Variants in MLLT6 observed in about 807,000 individuals in gnomAD.
MLLT6 encodes MLLT6, PHD finger containing.
MLLT6 carries 22 observed loss-of-function variants against 103.0 expected under a neutral mutation model. That is an observed-to-expected ratio of 0.21 (90% CI 0.15 to 0.31). The LOEUF (loss-of-function observed/expected upper bound fraction) is 0.31. MLLT6 is among the 10% of genes least tolerant of loss of function. MLLT6 has a pLI of 1.00. For missense variants in MLLT6, 1,199 were observed against 1,441.7 expected (o/e 0.83, Z 2.73); for synonymous variants, 606 against 623.5 (o/e 0.97, Z 0.42).
In MLLT6 at chr17:38,709,417, G is replaced by C. The variant is rs548090595; in HGVS notation, c.459-65G>C. The stretch of plus-strand genomic sequence containing the variant: ...CTTCGCCTCAGCAGGGGGCCAGGAG[G>C]GTGAGAGGAAGGTGGCTCATGTGAT... On this transcript the variant is annotated intron_variant, in intron 5 of 19. Transcript: ENST00000621332. The surrounding 1 kb of genome is among the most constrained non-coding windows in gnomAD (Gnocchi z 4.3). 33 of 1,481,582 alleles carry C rather than the reference G, an allele frequency of 2.2e-5. No homozygotes were observed. Among genetic ancestry groups the C allele is most frequent in the Non-Finnish European group, 3.0e-5 (32 of 1,059,482 alleles). The allele number at this position is 1,481,582 out of a possible 1,614,324, so 91.8% of individuals were successfully genotyped here. A position where few individuals can be genotyped will look rare whatever the true frequency, so the allele number is the denominator to read the frequency against.
chr17:38,716,227 CACAG>C lies in MLLT6; in HGVS notation c.1037-135_1037-132del, dbSNP rs1281404211. On this transcript the variant is annotated intron_variant, in intron 9 of 19. Coordinates refer to ENST00000621332, the MANE Select transcript of MLLT6 (RefSeq NM_005937.4). This position sits in a 1 kb window ranked among gnomAD's most constrained non-coding sequence, Gnocchi z 5.6. ...GGGGTCGGGGGTACTCATCCCAGGA[CACAG>C]ACAGTGGCAGAGCTGAGACAGGAAA... 3.4e-6 allele frequency: 3 copies of C among 889,030 alleles called. No homozygotes were observed. The African/African-American group carries it at 5.1e-5, about 15-fold the overall frequency. 55.1% of individuals were successfully genotyped at this position (889,030 alleles called of 1,614,324 possible).
chr17:38,717,114 C>T (rs1384006470), intron 10 of MLLT6, 133 bp downstream of exon 10: 2 of 1,313,456 alleles, frequency 1.5e-6, no homozygotes, highest in East Asian at 2.5e-5. Context: ...AGACAGTCAC[C>T]TTCAGGACAT....
Position 38,728,031 on chromosome 17 carries a change from C to T in MLLT6, c.*2433C>T. 4.3e-6 allele frequency: 1 copy of T among 233,264 alleles called. No homozygotes were observed. 14.4% of individuals were successfully genotyped at this position (233,264 alleles called of 1,614,324 possible). On this transcript the variant is annotated 3_prime_UTR_variant, in exon 20 of 20. Coordinates refer to ENST00000621332, the MANE Select transcript of MLLT6 (RefSeq NM_005937.4). ...CACTTCTTCCCTCCCTCAGCCCAAA[C>T]CAAAGGCTGGGGTTCTCATCTCCAA...
In MLLT6 at chr17:38,709,419, T is replaced by TGA; in HGVS notation, c.459-59_459-58dup. The TGA allele has an allele frequency of 6.7e-7, 1 of 1,488,340 alleles. No individual in the cohort carries two copies. 92.2% of individuals were successfully genotyped at this position (1,488,340 alleles called of 1,614,324 possible). On this transcript the variant is annotated intron_variant, in intron 5 of 19. Transcript: ENST00000621332. This position sits in a 1 kb window ranked among gnomAD's most constrained non-coding sequence, Gnocchi z 4.3. ...TCGCCTCAGCAGGGGGCCAGGAGGG[T>TGA]GAGAGGAAGGTGGCTCATGTGATCT...
chr17:38,724,441 G>A lies in MLLT6; in HGVS notation c.2884-179G>A, dbSNP rs578039132. The A allele has an allele frequency of 4.4e-5, 24 of 550,260 alleles. No individual in the cohort carries two copies. In the East Asian group the frequency reaches 4.9e-4, roughly 11 times the overall value. 34.1% of individuals were successfully genotyped at this position (550,260 alleles called of 1,614,324 possible). ...ACCAATGGCGTGCAACCATTTTCTT[G>A]TCTAGATGGGGAGACCCAGGCTAAG... On this transcript the variant is annotated intron_variant, in intron 18 of 19. Transcript: ENST00000621332. This position sits in a 1 kb window ranked among gnomAD's most constrained non-coding sequence, Gnocchi z 5.4.
chr17:38,709,652 G>A lies in MLLT6; in HGVS notation c.552+77G>A. On this transcript the variant is annotated intron_variant, in intron 6 of 19. Transcript: ENST00000621332. This position sits in a 1 kb window ranked among gnomAD's most constrained non-coding sequence, Gnocchi z 4.3. ...GTTAGAGGGCATGGGCTCTGGGCCA[G>A]GCCAGTGCCTGGTGCTAGGAGGACA... 1 of 1,141,554 alleles carries A rather than the reference G, an allele frequency of 8.8e-7. No individual in the cohort carries two copies. The highest frequency in any genetic ancestry group is 1.3e-6 in the Non-Finnish European group (1 of 758,628). The allele number at this position is 1,141,554 out of a possible 1,614,324, so 70.7% of individuals were successfully genotyped here. A position where few individuals can be genotyped will look rare whatever the true frequency, so the allele number is the denominator to read the frequency against.
Position 38,716,232 on chromosome 17 carries a change from A to T in MLLT6, c.1037-135A>T, listed in dbSNP as rs1404935618. ...CGGGGGTACTCATCCCAGGACACAG[A>T]CAGTGGCAGAGCTGAGACAGGAAAC... On this transcript the variant is annotated intron_variant, in intron 9 of 19. Transcript: ENST00000621332. This position sits in a 1 kb window ranked among gnomAD's most constrained non-coding sequence, Gnocchi z 5.6. The T allele has an allele frequency of 2.2e-6, 2 of 913,082 alleles. No homozygotes were observed. Among genetic ancestry groups the T allele is most frequent in the Non-Finnish European group, 3.3e-6 (2 of 609,288 alleles). The allele number at this position is 913,082 out of a possible 1,614,324, so 56.6% of individuals were successfully genotyped here. A position where few individuals can be genotyped will look rare whatever the true frequency, so the allele number is the denominator to read the frequency against.
chr17:38,725,432 C>A, intron 19 of MLLT6, 125 bp from the exon 20 acceptor site: 1 of 866,748 alleles, frequency 1.2e-6, no homozygotes, highest in Non-Finnish European at 1.8e-6. Context: ...GAGCCCAGGC[C>A]AGAGGCTTCC....
Position 38,715,595 on chromosome 17 carries a change from TCTCTC to T in MLLT6, c.820-9_820-5del. ...CCAGGCACCTGGTGTTGAACCTTCCTCTCTCCTCTCCTTCAGGTCTCCTCCTCGGC... is the reference window on the plus strand; with the variant it reads ...CCAGGCACCTGGTGTTGAACCTTCCTCTCTCCTTCAGGTCTCCTCCTCGGC... On this transcript the variant is annotated splice_polypyrimidine_tract_variant and intron_variant, in intron 8 of 19. Coordinates refer to ENST00000621332, the MANE Select transcript of MLLT6 (RefSeq NM_005937.4). 2 of 1,600,900 alleles carry T rather than the reference TCTCTC, an allele frequency of 1.2e-6. No individual in the cohort carries two copies. The highest frequency in any genetic ancestry group is 2.2e-5 in the East Asian group (1 of 44,856).
chr17:38,728,585 T>G lies in MLLT6; in HGVS notation c.*2987T>G, dbSNP rs1284002221. The G allele has an allele frequency of 8.6e-6, 2 of 233,424 alleles. No homozygotes were observed. Among genetic ancestry groups the G allele is most frequent in the African/African-American group, 4.4e-5 (2 of 45,342 alleles). 14.5% of individuals were successfully genotyped at this position (233,424 alleles called of 1,614,324 possible). A position where few individuals can be genotyped will look rare whatever the true frequency, so the allele number is the denominator to read the frequency against. ...CTGCTGTGGGGTCACAACTGGTGCA[T>G]GCCAGCGCCAAAGGGACCTGTCTTT... On this transcript the variant is annotated 3_prime_UTR_variant, in exon 20 of 20. Transcript: ENST00000621332.
chr17:38,720,154 G>A (rs1463019162), intron 14 of MLLT6: 3 of 689,058 alleles, frequency 4.4e-6, no homozygotes, highest in South Asian at 3.9e-5. Flanking sequence ...CTCCTGACCC[G>A]TGTGGCCTCG....
chr17:38,705,783 GGCGTGC>G (rs768807241), intron 1 of MLLT6, 42 bp downstream of exon 1: 1 of 1,009,514 alleles, frequency 9.9e-7, no homozygotes, highest in Admixed American at 4.3e-5. Flanking sequence ...CCCCGGGGGC[GGCGTGC>G]GCGGGGCGCC....
chr17:38,715,538 T>C, intron 8 of MLLT6, 74 bp from the exon 9 acceptor site: 2 of 1,502,298 alleles, frequency 1.3e-6, no homozygotes, highest in South Asian at 1.4e-5. Flanking sequence ...TGTGCCCTCC[T>C]GCTTCACTCC....
chr17:38,717,724 C>G, intron 11 of MLLT6, 111 bp downstream of exon 11: 1 of 1,409,872 alleles, frequency 7.1e-7, no homozygotes, highest in Non-Finnish European at 9.9e-7. Flanking sequence ...TGCCATCAGA[C>G]CACCCTCCGG....
chr17:38,725,306 G>A (rs1905965264), intron 19 of MLLT6: 1 of 543,536 alleles, frequency 1.8e-6, no homozygotes, highest in Non-Finnish European at 3.2e-6. Context: ...TGTCAGAAAG[G>A]CCCTCTCCCT....
chr17:38,718,158 T>A (rs541706918), intron 12 of MLLT6: 2 of 479,340 alleles, frequency 4.2e-6, no homozygotes, highest in South Asian at 5.9e-5. Context: ...GTGGATCACC[T>A]GAGATCAGGA....
intron 14 of MLLT6, 191 bp from the exon 15 acceptor site, chr17:38,720,181 C>T (rs1905629607): frequency 1.4e-6 from 1 of 694,194 alleles, no homozygotes; most frequent in Non-Finnish European, 2.4e-6. Flanking sequence ...GCCTCAGGCT[C>T]CGCCCCAGGT....
intron 2 of MLLT6, 71 bp from the exon 3 acceptor site, chr17:38,707,415 C>A: frequency 6.8e-7 from 1 of 1,462,584 alleles, no homozygotes; most frequent in Non-Finnish European, 9.5e-7. Flanking sequence ...CAGCCTGGGA[C>A]CCCTTGAACG....
Position 38,722,344 on chromosome 17 carries a change from C to T in MLLT6, c.2792+117C>T, listed in dbSNP as rs75744582. 2,922 of 773,058 alleles carry T rather than the reference C, an allele frequency of 3.8e-3. 62 individuals carry two copies. In the African/African-American group the frequency reaches 0.047, roughly 12 times the overall value. The allele number at this position is 773,058 out of a possible 1,614,324, so 47.9% of individuals were successfully genotyped here. On this transcript the variant is annotated intron_variant, in intron 17 of 19. Transcript: ENST00000621332. ...AAAGGAAAAATGGCCTCTGGTCTCA[C>T]AGGGTATATAATCCTAGTCACCTCT...
Sources: gnomAD v4.1 joint callset for allele counts on GRCh38, gnomAD v4.1.1 for gene constraint, Gnocchi (gnomAD v3.1) non-coding constraint, MANE v1.5 for transcripts, NCBI Gene and HGNC (gene_info 2026-07-23, HGNC 2026-07-21) for gene names.